Variants in PCCA observed in about 807,000 individuals in gnomAD.
PCCA encodes propionyl-CoA carboxylase alpha chain, mitochondrial.
A neutral mutation model predicts 101.3 loss-of-function variants in PCCA; 74 were observed. The observed-to-expected ratio is 0.73, with a 90% CI of 0.61 to 0.89. The LOEUF (loss-of-function observed/expected upper bound fraction) is 0.89, where lower values mean the gene tolerates loss of function less well. Ranked by LOEUF, PCCA falls within the 40% of genes least tolerant of loss-of-function variation. The pLI is 0.00. For missense variants in PCCA, 891 were observed against 907.0 expected (o/e 0.98, Z 0.23); for synonymous variants, 294 against 313.6 (o/e 0.94, Z 0.66).
intron 19 of PCCA, among the ~76,000 whole-genome samples, chr13:100,416,915 C>T (rs1026796458): frequency 3.3e-5 from 5 of 152,100 alleles, no homozygotes; most frequent in Non-Finnish European, 5.9e-5. Flanking sequence ...GCGATCTCGG[C>T]TCACTGCAAC....
chr13:100,484,211 T>C (rs372549253), intron 21 of PCCA, among the ~76,000 whole-genome samples: 141 of 152,308 alleles, frequency 9.3e-4, no homozygotes, highest in Middle Eastern at 3.4e-3. Flanking sequence ...CTCTGTGGTC[T>C]CAGGTGGTCG....
At chr13:100,340,339 G>C in intron 18 of PCCA, 80 bp downstream of exon 18, 1 of 791,722 alleles carries the variant, frequency 1.3e-6, no homozygotes, top group Non-Finnish European at 2.3e-6. Context: ...ACTAATAAAA[G>C]ATGTGGCTGA....
chr13:100,469,411 C>T (rs756435125), intron 21 of PCCA, among the ~76,000 whole-genome samples: 23 of 151,994 alleles, frequency 1.5e-4, no homozygotes, highest in Non-Finnish European at 1.9e-4. Context: ...GGGTCTCAGA[C>T]GACTAGAAGT....
intron 16 of PCCA, among the ~76,000 whole-genome samples, chr13:100,325,580 G>T (rs1463505572): frequency 3.3e-5 from 5 of 152,218 alleles, no homozygotes; most frequent in Non-Finnish European, 5.9e-5. Context: ...GTAGGGAAAA[G>T]AAGCAAGCAT....
chr13:100,228,220 C>T lies in PCCA; in HGVS notation c.601-7622C>T, dbSNP rs138460393. On this transcript the variant is annotated intron_variant, in intron 7 of 23. Coordinates refer to ENST00000376285, the MANE Select transcript of PCCA (RefSeq NM_000282.4). ...TAGTAAATATGGGATTTCACCATGTCGGCCAGGCTGGTCTCGAACTCCTGA... is the reference window on the plus strand; with the variant it reads ...TAGTAAATATGGGATTTCACCATGTTGGCCAGGCTGGTCTCGAACTCCTGA... 1.4e-3 allele frequency among the ~76,000 whole-genome samples: 206 copies of T among 151,962 alleles called. 2 individuals carry two copies. In the East Asian group the frequency reaches 0.032, roughly 23 times the overall value.
intron 23 of PCCA, 127 bp downstream of exon 23, chr13:100,527,879 G>C: frequency 2.2e-5 from 17 of 762,280 alleles, no homozygotes; most frequent in South Asian, 1.9e-4. Flanking sequence ...CTACAGAGGA[G>C]GACGTTAGGA....
At chr13:100,192,326 G>C (rs1209576036) in intron 6 of PCCA, among the ~76,000 whole-genome samples, 3 of 152,044 alleles carry the variant, frequency 2.0e-5, no homozygotes, top group Non-Finnish European at 2.9e-5. Context: ...TCAAATAAGC[G>C]AGGTCCTGGT....
chr13:100,247,215 G>GTTTTTT lies in PCCA; in HGVS notation c.638-10365_638-10360dup, dbSNP rs143058621. On this transcript the variant is annotated intron_variant, in intron 8 of 23. Transcript: ENST00000376285. ...AAGCCACTGCGCCCAGCCTGTGTGGGTTTTTTTTTTTTTTTTTTTTGAGAC... is the reference window on the plus strand; with the variant it reads ...AAGCCACTGCGCCCAGCCTGTGTGGGTTTTTTTTTTTTTTTTTTTTTTTTTTGAGAC... 9.8e-4 allele frequency among the ~76,000 whole-genome samples: 106 copies of GTTTTTT among 108,236 alleles called. 2 individuals carry two copies. Among genetic ancestry groups the GTTTTTT allele is most frequent in the African/African-American group, 3.8e-3 (103 of 27,168 alleles). The allele number at this position is 108,236 out of a possible 152,430, so 71.0% of individuals were successfully genotyped here.
chr13:100,464,619 C>T (rs2082381649), intron 21 of PCCA: 1 of 152,026 alleles, frequency 6.6e-6, no homozygotes, highest in South Asian at 2.1e-4. Flanking sequence ...ATTTGAAAAA[C>T]CAAATTTGTG....
intron 19 of PCCA, among the ~76,000 whole-genome samples, chr13:100,400,838 A>G (rs1032641071): frequency 2.0e-5 from 3 of 151,448 alleles, no homozygotes; most frequent in Non-Finnish European, 2.9e-5. Flanking sequence ...GTTGGCCAGG[A>G]TGGTTTCGAA....
chr13:100,294,142 T>A (rs1405144196), intron 12 of PCCA, among the ~76,000 whole-genome samples: 3 of 152,306 alleles, frequency 2.0e-5, no homozygotes, highest in Non-Finnish European at 4.4e-5. Context: ...CCACTCCCTG[T>A]GTCTTCCTGT....
intron 19 of PCCA, among the ~76,000 whole-genome samples, chr13:100,372,105 G>A (rs1398884353): frequency 6.6e-6 from 1 of 152,188 alleles, no homozygotes; most frequent in Non-Finnish European, 1.5e-5. Flanking sequence ...AGCACTTTGG[G>A]AGGCCAAGGC....
At chr13:100,461,485 A>T (rs1328021902) in intron 21 of PCCA, among the ~76,000 whole-genome samples, 2 of 152,226 alleles carry the variant, frequency 1.3e-5, no homozygotes, top group Admixed American at 1.3e-4. Flanking sequence ...GAAATAAGTG[A>T]TGTCATACAT....
intron 4 of PCCA, among the ~76,000 whole-genome samples, chr13:100,120,337 C>A (rs1183906833): frequency 6.6e-6 from 1 of 152,036 alleles, no homozygotes; most frequent in African/African-American, 2.4e-5. Context: ...TGCCGTTGTG[C>A]CCTGCTTCCT....
intron 16 of PCCA, among the ~76,000 whole-genome samples, chr13:100,312,237 C>T (rs1024873491): frequency 2.6e-5 from 4 of 152,100 alleles, no homozygotes; most frequent in African/African-American, 9.7e-5. Context: ...TGTAGGTGCC[C>T]CAATAGGGGA....
At position 100,199,477 on chromosome 13, in the gene PCCA, A is replaced by G. The variant is rs138923451; in HGVS notation, c.469-9855A>G. On this transcript the variant is annotated intron_variant, in intron 6 of 23. Coordinates refer to ENST00000376285, the MANE Select transcript of PCCA (RefSeq NM_000282.4). ...TGTTTGACTTACAGAGTCTTACCCC[A>G]GTCTTGACTTAGCTCACTGCATGGC... 5.9e-5 allele frequency among the ~76,000 whole-genome samples: 9 copies of G among 152,258 alleles called. No homozygotes were observed. In the East Asian group the frequency reaches 1.5e-3, roughly 26 times the overall value.
intron 1 of PCCA, among the ~76,000 whole-genome samples, chr13:100,093,958 A>G (rs746524872): frequency 3.5e-4 from 53 of 151,902 alleles, no homozygotes; most frequent in Non-Finnish European, 5.2e-4. Context: ...TCTGGGCACG[A>G]TGGCTCATGC....
chr13:100,263,733 A>AGAGGT (rs2062685336), intron 10 of PCCA, among the ~76,000 whole-genome samples: 2 of 152,026 alleles, frequency 1.3e-5, no homozygotes, highest in Non-Finnish European at 2.9e-5. Flanking sequence ...GCCTTTTTAA[A>AGAGGT]AAGATTTTCT....
chr13:100,412,149 G>A (rs1176683440), intron 19 of PCCA, among the ~76,000 whole-genome samples: 4 of 152,044 alleles, frequency 2.6e-5, no homozygotes, highest in African/African-American at 4.8e-5. Flanking sequence ...CTGTGCTGTC[G>A]ACAAAATGTT....
Sources: allele counts gnomAD v4.1 joint callset (sites outside exome capture counted in the v4.1 genomes callset), GRCh38; gene constraint gnomAD v4.1.1; transcripts MANE v1.5; gene names NCBI Gene and HGNC (gene_info 2026-07-23, HGNC 2026-07-21).